UCHL3: variants seen among roughly 807,000 people sequenced by gnomAD.
UCHL3 encodes the protein ubiquitin C-terminal hydrolase L3.
Under a neutral mutation model 35.8 loss-of-function variants are expected in UCHL3, and 22 were observed. The ratio of observed to expected loss-of-function variants is 0.61; its 90% confidence interval spans 0.44 to 0.88. UCHL3 has a LOEUF of 0.88. Ranked by LOEUF, UCHL3 falls within the 40% of genes least tolerant of loss-of-function variation. The pLI, the probability that UCHL3 is intolerant of heterozygous loss-of-function variation, is 0.00. For missense variants in UCHL3, 229 were observed against 276.9 expected (o/e 0.83, Z 1.23); for synonymous variants, 90 against 92.8 (o/e 0.97, Z 0.17).
intron 7 of UCHL3, among the ~76,000 whole-genome samples, chr13:75,599,236 G>T (rs2032719423): frequency 6.6e-6 from 1 of 151,082 alleles, no homozygotes; most frequent in Non-Finnish European, 1.5e-5. Flanking sequence ...CTTCCAAAGT[G>T]CTGGGATTAC....
At chr13:75,583,023 A>G (rs963625568) in intron 6 of UCHL3, among the ~76,000 whole-genome samples, 1 of 152,178 alleles carries the variant, frequency 6.6e-6, no homozygotes, top group Admixed American at 6.5e-5. Flanking sequence ...ATACAGTTGG[A>G]GATATTTGTA....
intron 5 of UCHL3, among the ~76,000 whole-genome samples, chr13:75,568,052 A>G (rs2031740031): frequency 6.6e-6 from 1 of 152,204 alleles, no homozygotes. Flanking sequence ...TAAAGGCCAC[A>G]TAAACTAGGC....
At chr13:75,601,308 TCTC>T (rs2032776560) in intron 7 of UCHL3, among the ~76,000 whole-genome samples, 1 of 152,210 alleles carries the variant, frequency 6.6e-6, no homozygotes, top group Non-Finnish European at 1.5e-5. Flanking sequence ...TGGAAGAAGT[TCTC>T]CTGTGGGTAA....
intron 3 of UCHL3, among the ~76,000 whole-genome samples, chr13:75,564,649 A>T (rs756003345): frequency 6.6e-5 from 10 of 151,956 alleles, no homozygotes; most frequent in Non-Finnish European, 1.5e-4. Context: ...CACCCTCACC[A>T]TTATTTATTA....
chr13:75,565,526 C>A (rs1185365255), intron 3 of UCHL3, among the ~76,000 whole-genome samples: 2 of 152,086 alleles, frequency 1.3e-5, no homozygotes, highest in East Asian at 3.8e-4. Context: ...TCTTTTATTG[C>A]AGGGGATCAG....
At chr13:75,566,376 A>T (rs1263824269) in intron 3 of UCHL3, among the ~76,000 whole-genome samples, 1 of 152,202 alleles carries the variant, frequency 6.6e-6, no homozygotes, top group Non-Finnish European at 1.5e-5. Context: ...TCTCCTACAA[A>T]GGAAATTGCT....
intron 6 of UCHL3, chr13:75,590,165 G>C: frequency 8.1e-7 from 1 of 1,241,618 alleles, no homozygotes; most frequent in African/African-American, 1.6e-5. Flanking sequence ...TTCTTCCAGT[G>C]ACAAGGGCTG....
chr13:75,568,252 AT>A (rs1566214960), intron 5 of UCHL3, among the ~76,000 whole-genome samples: 1 of 152,116 alleles, frequency 6.6e-6, no homozygotes, highest in African/African-American at 2.4e-5. Context: ...TCTACAAATT[AT>A]TTGGTTAGAA....
At chr13:75,574,321 G>A (rs1420524806) in intron 6 of UCHL3, among the ~76,000 whole-genome samples, 2 of 151,618 alleles carry the variant, frequency 1.3e-5, no homozygotes, top group Non-Finnish European at 2.9e-5. Flanking sequence ...TTTCTTCCTG[G>A]CACTTTAAAA....
At chr13:75,573,188 C>T (rs969139422) in intron 6 of UCHL3, among the ~76,000 whole-genome samples, 5 of 149,964 alleles carry the variant, frequency 3.3e-5, no homozygotes, top group African/African-American at 9.8e-5. Flanking sequence ...CGCTTGAACT[C>T]GGGAGGCGGA....
chr13:75,550,658 A>G (rs1012166004), intron 2 of UCHL3, among the ~76,000 whole-genome samples: 1 of 151,284 alleles, frequency 6.6e-6, no homozygotes, highest in Non-Finnish European at 1.5e-5. Flanking sequence ...CCAGCCACTC[A>G]GAAGAGTAAG....
intron 6 of UCHL3, among the ~76,000 whole-genome samples, chr13:75,583,699 AAAGGTGCAGTATTACATTT>A (rs1376034234): frequency 6.6e-6 from 1 of 152,228 alleles, no homozygotes; most frequent in East Asian, 1.9e-4. Context: ...GAAACAAACT[AAAGGTGCAGTATTACATTT>A]ATGGTATGTC....
intron 6 of UCHL3, among the ~76,000 whole-genome samples, chr13:75,593,324 T>G (rs2032561637): frequency 6.6e-6 from 1 of 152,208 alleles, no homozygotes; most frequent in Non-Finnish European, 1.5e-5. Flanking sequence ...TAAATGGAGA[T>G]ATTAGACTGA....
intron 6 of UCHL3, among the ~76,000 whole-genome samples, chr13:75,577,154 A>C (rs1051098392): frequency 1.3e-5 from 2 of 152,078 alleles, no homozygotes; most frequent in African/African-American, 4.8e-5. Context: ...GGAGGCTGAG[A>C]TAGGAGGATG....
Position 75,572,159 on chromosome 13 carries a change from C to G in UCHL3, c.474+2652C>G, listed in dbSNP as rs564426380. Among the ~76,000 whole-genome samples the G allele has an allele frequency of 4.6e-5, 7 of 152,060 alleles. No homozygotes were observed. In the South Asian group the frequency reaches 1.5e-3, roughly 32 times the overall value. ...ATTTCTATTCTTCTTGCAGTACTCT[C>G]TTTCTGAAAATATTCTTTCCCTCAA... is the stretch of plus-strand genomic sequence containing the variant. On this transcript the variant is annotated intron_variant, in intron 6 of 8. Coordinates refer to ENST00000377595, the MANE Select transcript of UCHL3 (RefSeq NM_006002.5).
At chr13:75,601,393 C>T (rs945286769) in intron 7 of UCHL3, among the ~76,000 whole-genome samples, 8 of 152,126 alleles carry the variant, frequency 5.3e-5, no homozygotes, top group African/African-American at 1.9e-4. Context: ...TGGCAAACTT[C>T]ATTATTGTCT....
chr13:75,591,887 G>A (rs980218293), intron 6 of UCHL3, among the ~76,000 whole-genome samples: 1 of 152,052 alleles, frequency 6.6e-6, no homozygotes, highest in Non-Finnish European at 1.5e-5. Context: ...GACTTACCTG[G>A]TTGAGTATCT....
In UCHL3 at chr13:75,578,771, A is replaced by C. The variant is rs570997228; in HGVS notation, c.474+9264A>C. ...GTTAGTGTTGACCTATAAAAGAGGG[A>C]TTATTTGACCACTGGGGTAAACAGT... On this transcript the variant is annotated intron_variant, in intron 6 of 8. Coordinates refer to ENST00000377595, the MANE Select transcript of UCHL3 (RefSeq NM_006002.5). Among the ~76,000 whole-genome samples the C allele has an allele frequency of 1.5e-4, 23 of 152,232 alleles. No individual in the cohort carries two copies. The South Asian group carries it at 4.6e-3, about 30-fold the overall frequency.
intron 2 of UCHL3, among the ~76,000 whole-genome samples, chr13:75,559,987 C>CT (rs1482025813): frequency 1.3e-5 from 2 of 152,068 alleles, no homozygotes; most frequent in African/African-American, 4.8e-5. Context: ...AAAAAAAACA[C>CT]TAATTTTTTG....
Sources: gnomAD v4.1 joint callset for allele counts (sites outside exome capture counted in the v4.1 genomes callset) on GRCh38, gnomAD v4.1.1 for gene constraint, MANE v1.5 for transcripts, NCBI Gene and HGNC (gene_info 2026-07-23, HGNC 2026-07-21) for gene names.